The following AUTS2 variants were observed in gnomAD, a reference collection of about 807,000 sequenced individuals.
AUTS2 encodes the protein activator of transcription and developmental regulator AUTS2.
Under a neutral mutation model 112.4 loss-of-function variants are expected in AUTS2, and 17 were observed. The ratio of observed to expected loss-of-function variants is 0.15; its 90% CI spans 0.10 to 0.23. The LOEUF is 0.23. Among genes scored for constraint, AUTS2 ranks in the 10% least tolerant of loss-of-function variants. AUTS2 has a pLI of 1.00. For missense variants in AUTS2, 1,510 were observed against 1,701.6 expected (o/e 0.89, Z 1.98); for synonymous variants, 751 against 702.7 (o/e 1.07, Z -1.09).
At chr7:70,142,523 C>G (rs117463770) in intron 4 of AUTS2, among the ~76,000 whole-genome samples, 2,099 of 152,164 alleles carry the variant, frequency 0.014, 17 homozygotes, top group Non-Finnish European at 0.021. Flanking sequence ...ACGGAGTGGC[C>G]GAGTCTGCTT....
chr7:69,613,500 A>G (rs2129081784), intron 1 of AUTS2, among the ~76,000 whole-genome samples: 1 of 152,292 alleles, frequency 6.6e-6, no homozygotes, highest in South Asian at 2.1e-4. Flanking sequence ...ACCATTGTCA[A>G]AGGCAAGGAT....
intron 1 of AUTS2, among the ~76,000 whole-genome samples, chr7:69,836,441 G>A (rs888857767): frequency 2.4e-4 from 37 of 152,128 alleles, no homozygotes; most frequent in African/African-American, 8.5e-4. Context: ...ACTATATTCC[G>A]AAGAATTCAT....
chr7:69,628,493 T>TAC (rs1794068442), intron 1 of AUTS2, among the ~76,000 whole-genome samples: 1 of 152,194 alleles, frequency 6.6e-6, no homozygotes, highest in Admixed American at 6.5e-5. Context: ...CCACTCTGTA[T>TAC]TAGTTTTCAC....
intron 2 of AUTS2, among the ~76,000 whole-genome samples, chr7:69,985,163 C>G (rs1798453900): frequency 1.4e-5 from 2 of 146,228 alleles, no homozygotes. Flanking sequence ...CCCAGGAGGT[C>G]TAGGCCACAG....
intron 1 of AUTS2, among the ~76,000 whole-genome samples, chr7:69,663,775 A>G (rs1363138027): frequency 6.6e-6 from 1 of 152,194 alleles, no homozygotes; most frequent in Non-Finnish European, 1.5e-5. Context: ...TAGTGATCAG[A>G]CACAATGCTA....
intron 1 of AUTS2, among the ~76,000 whole-genome samples, chr7:69,893,336 T>TA (rs1423844882): frequency 6.6e-6 from 1 of 152,164 alleles, no homozygotes; most frequent in Non-Finnish European, 1.5e-5. Context: ...TCTATCTAGT[T>TA]ACTAGTTTTC....
chr7:70,250,669 G>A (rs1786542441), intron 4 of AUTS2, among the ~76,000 whole-genome samples: 1 of 152,168 alleles, frequency 6.6e-6, no homozygotes, highest in Non-Finnish European at 1.5e-5. Flanking sequence ...TATACATCAT[G>A]GAACACCATG....
chr7:69,648,302 T>C (rs887047226), intron 1 of AUTS2, among the ~76,000 whole-genome samples: 2 of 152,136 alleles, frequency 1.3e-5, no homozygotes, highest in African/African-American at 2.4e-5. Context: ...CCAAAACTCA[T>C]GTACTCATCA....
At chr7:70,643,568 TA>T (rs920049118) in intron 5 of AUTS2, among the ~76,000 whole-genome samples, 3 of 151,988 alleles carry the variant, frequency 2.0e-5, no homozygotes, top group Non-Finnish European at 2.9e-5. Context: ...AGACTCCGTC[TA>T]AAAAAAATAA....
At chr7:70,251,292 CT>C (rs1182558344) in intron 4 of AUTS2, among the ~76,000 whole-genome samples, 3 of 152,022 alleles carry the variant, frequency 2.0e-5, no homozygotes, top group Non-Finnish European at 4.4e-5. Context: ...TCTTGAACTC[CT>C]GACCTCATGA....
intron 2 of AUTS2, among the ~76,000 whole-genome samples, 188 bp from the exon 3 acceptor site, chr7:70,117,944 T>C (rs6956381): frequency 1.4e-3 from 220 of 152,120 alleles, no homozygotes; most frequent in African/African-American, 5.1e-3. Context: ...AGACGGGGTT[T>C]CCACCTCGTT....
At chr7:70,248,314 T>C (rs1813035522) in intron 4 of AUTS2, among the ~76,000 whole-genome samples, 1 of 152,080 alleles carries the variant, frequency 6.6e-6, no homozygotes, top group Admixed American at 6.6e-5. Context: ...TAAAAAAACA[T>C]CATTTTGCCA....
At chr7:69,923,360 A>G (rs528048229) in intron 2 of AUTS2, among the ~76,000 whole-genome samples, 1 of 152,244 alleles carries the variant, frequency 6.6e-6, no homozygotes, top group African/African-American at 2.4e-5. Context: ...CTTTATGCCT[A>G]TACTATACTG....
At chr7:70,558,496 C>A (rs2129522138) in intron 5 of AUTS2, among the ~76,000 whole-genome samples, 1 of 152,212 alleles carries the variant, frequency 6.6e-6, no homozygotes, top group East Asian at 1.9e-4. Flanking sequence ...AGTGACTGGT[C>A]CCCATGAAGG....
chr7:70,062,512 CAAA>C (rs35625069), intron 2 of AUTS2, among the ~76,000 whole-genome samples: 6 of 121,750 alleles, frequency 4.9e-5, no homozygotes, highest in African/African-American at 2.9e-5. Context: ...GACTCCGTCT[CAAA>C]AAAAAAAAAA....
intron 1 of AUTS2, among the ~76,000 whole-genome samples, chr7:69,639,024 G>T (rs1398545223): frequency 2.6e-5 from 4 of 152,230 alleles, no homozygotes; most frequent in South Asian, 4.1e-4. Context: ...GAATTAAAGA[G>T]AAGTTTTAAC....
chr7:70,671,957 G>A lies in AUTS2; in HGVS notation c.691-26612G>A, dbSNP rs1010511366. On this transcript the variant is annotated intron_variant, in intron 5 of 18. Transcript: ENST00000342771. The stretch of plus-strand genomic sequence containing the variant: ...GACTGAGGACCAGAACGAAAGCCGT[G>A]GCAGTGAGAGTGGAAGGGAGGAAAT... Among the ~76,000 whole-genome samples, 7 of 152,194 alleles carry A rather than the reference G, an allele frequency of 4.6e-5. No individual in the cohort carries two copies. The East Asian group carries it at 1.2e-3, about 25-fold the overall frequency.
intron 1 of AUTS2, among the ~76,000 whole-genome samples, chr7:69,784,211 T>C (rs974124312): frequency 3.3e-5 from 5 of 152,106 alleles, no homozygotes; most frequent in African/African-American, 2.4e-5. Flanking sequence ...TTAAGATTAG[T>C]TTTGGAGAGA....
At chr7:70,323,524 G>A (rs1790350244) in intron 4 of AUTS2, among the ~76,000 whole-genome samples, 1 of 152,190 alleles carries the variant, frequency 6.6e-6, no homozygotes. Flanking sequence ...AGACCTCTTA[G>A]AGGGTAAAAT....
Sources: gnomAD v4.1 joint callset for allele counts (sites outside exome capture counted in the v4.1 genomes callset) on GRCh38, gnomAD v4.1.1 for gene constraint, MANE v1.5 for transcripts, NCBI Gene and HGNC (gene_info 2026-07-23, HGNC 2026-07-21) for gene names.